GABRB1: variants seen among roughly 807,000 people sequenced by gnomAD.
GABRB1 encodes gamma-aminobutyric acid receptor subunit beta-1.
In GABRB1, 17 loss-of-function variants were observed where a neutral mutation model predicts 51.6. That is an observed-to-expected ratio of 0.33 (90% CI 0.23 to 0.49). GABRB1 has a LOEUF of 0.49. Ranked by LOEUF, GABRB1 falls within the 20% of genes least tolerant of loss-of-function variation. The pLI, the probability that GABRB1 is intolerant of heterozygous loss-of-function variation, is 0.99. For missense variants in GABRB1, 410 were observed against 600.6 expected (o/e 0.68, Z 3.32); for synonymous variants, 247 against 218.9 (o/e 1.13, Z -1.14).
At chr4:47,153,065 G>C (rs1717534350) in intron 3 of GABRB1, among the ~76,000 whole-genome samples, 2 of 152,000 alleles carry the variant, frequency 1.3e-5, no homozygotes, top group Non-Finnish European at 2.9e-5. Flanking sequence ...TGGTTACACA[G>C]GTGATGGAAG....
chr4:47,348,295 T>C (rs933831660), intron 5 of GABRB1, among the ~76,000 whole-genome samples: 1 of 152,164 alleles, frequency 6.6e-6, no homozygotes, highest in African/African-American at 2.4e-5. Context: ...TGAATAAATA[T>C]AAGAAAATGA....
At chr4:47,025,710 GT>G (rs1442142058) in intron 1 of GABRB1, among the ~76,000 whole-genome samples, 1 of 151,832 alleles carries the variant, frequency 6.6e-6, no homozygotes, top group Non-Finnish European at 1.5e-5. Flanking sequence ...AGTAAAAGAA[GT>G]TTTTTTCCCA....
intron 4 of GABRB1, among the ~76,000 whole-genome samples, chr4:47,181,222 C>A (rs1006313237): frequency 5.9e-5 from 9 of 151,950 alleles, no homozygotes; most frequent in Non-Finnish European, 1.5e-5. Flanking sequence ...AATATCTTTT[C>A]CTTTTTTGAA....
intron 4 of GABRB1, among the ~76,000 whole-genome samples, chr4:47,191,834 G>GA (rs1209905036): frequency 1.3e-5 from 2 of 151,622 alleles, no homozygotes; most frequent in African/African-American, 4.8e-5. Context: ...TACAACAGAT[G>GA]AAAAAAAATT....
chr4:47,368,654 G>GT (rs1000208138), intron 5 of GABRB1, among the ~76,000 whole-genome samples: 29 of 152,100 alleles, frequency 1.9e-4, no homozygotes, highest in African/African-American at 6.8e-4. Context: ...AGCCAGTGTT[G>GT]TTTTTTCCCT....
At chr4:47,350,403 TC>T (rs1726284283) in intron 5 of GABRB1, among the ~76,000 whole-genome samples, 1 of 151,302 alleles carries the variant, frequency 6.6e-6, no homozygotes, top group Non-Finnish European at 1.5e-5. Flanking sequence ...ACTAACAAAC[TC>T]CCCTATAATG....
chr4:47,036,548 A>G (rs1176438720), intron 3 of GABRB1, among the ~76,000 whole-genome samples: 1 of 152,176 alleles, frequency 6.6e-6, no homozygotes, highest in Admixed American at 6.5e-5. Flanking sequence ...AAGGTAGTAC[A>G]TTATCCTAAG....
intron 3 of GABRB1, among the ~76,000 whole-genome samples, chr4:47,153,487 T>G (rs145517597): frequency 1.3e-5 from 2 of 152,134 alleles, no homozygotes; most frequent in Non-Finnish European, 2.9e-5. Context: ...GATTTTTACA[T>G]TTTTTTAAAA....
intron 4 of GABRB1, among the ~76,000 whole-genome samples, chr4:47,230,108 T>A (rs1721086024): frequency 6.6e-6 from 1 of 152,314 alleles, no homozygotes; most frequent in East Asian, 1.9e-4. Flanking sequence ...TACTTCTGAT[T>A]GCTATAAAAA....
At chr4:47,394,107 G>A (rs148027914) in intron 5 of GABRB1, among the ~76,000 whole-genome samples, 36 of 152,328 alleles carry the variant, frequency 2.4e-4, no homozygotes, top group Non-Finnish European at 2.6e-4. Context: ...AGAGTGCTCA[G>A]GAGGGGAAAG....
chr4:47,234,487 C>CA (rs199672537), intron 4 of GABRB1, among the ~76,000 whole-genome samples: 33,472 of 143,214 alleles, frequency 0.23, 3,979 homozygotes, highest in African/African-American at 0.32. Flanking sequence ...AACTCCGTCT[C>CA]AAAAAAAAAA....
chr4:47,221,400 A>G (rs532327246), intron 4 of GABRB1, among the ~76,000 whole-genome samples: 5 of 152,138 alleles, frequency 3.3e-5, no homozygotes, highest in African/African-American at 9.6e-5. Flanking sequence ...CCAATTATAT[A>G]GAAACTTAAT....
intron 5 of GABRB1, among the ~76,000 whole-genome samples, chr4:47,357,315 T>C (rs549153155): frequency 1.6e-4 from 24 of 152,244 alleles, no homozygotes; most frequent in Admixed American, 8.5e-4. Flanking sequence ...TGGAAAAAGA[T>C]TGTAAAAACC....
chr4:47,355,548 G>T (rs1317587191), intron 5 of GABRB1, among the ~76,000 whole-genome samples: 2 of 152,158 alleles, frequency 1.3e-5, no homozygotes, highest in Admixed American at 1.3e-4. Flanking sequence ...ACAAAAAACA[G>T]AGAAACACTG....
chr4:47,241,641 T>C (rs965077816), intron 4 of GABRB1, among the ~76,000 whole-genome samples: 1 of 152,202 alleles, frequency 6.6e-6, no homozygotes, highest in Non-Finnish European at 1.5e-5. Context: ...ACCATCCCCA[T>C]AGGGAAAGCA....
In GABRB1 at chr4:47,031,750, ATC is replaced by A. The variant is rs771540640; in HGVS notation, c.80+22_80+23del. ...CACACAGGTGAGCTGCTGTTGTTGA[ATC>A]TCGCTCTCTCTCTCTCTCTCTCTTT... On this transcript the variant is annotated intron_variant, in intron 1 of 8. Transcript: ENST00000295454. The A allele has an allele frequency of 1.3e-6, 2 of 1,524,490 alleles. No individual in the cohort carries two copies. The highest frequency in any genetic ancestry group is 1.7e-5 in the Admixed American group (1 of 57,268). The allele number at this position is 1,524,490 out of a possible 1,614,324, so 94.4% of individuals were successfully genotyped here.
chr4:47,182,189 G>A (rs550411121), intron 4 of GABRB1, among the ~76,000 whole-genome samples: 1 of 152,050 alleles, frequency 6.6e-6, no homozygotes, highest in South Asian at 2.1e-4. Flanking sequence ...CAGCATGAGA[G>A]CCATTTCCTG....
intron 5 of GABRB1, among the ~76,000 whole-genome samples, chr4:47,383,554 A>C (rs894077856): frequency 1.3e-5 from 2 of 152,168 alleles, no homozygotes; most frequent in Non-Finnish European, 2.9e-5. Context: ...CTGATCTGAT[A>C]TATTAGTAAT....
At chr4:47,267,667 C>T (rs776108684) in intron 4 of GABRB1, among the ~76,000 whole-genome samples, 15 of 151,934 alleles carry the variant, frequency 9.9e-5, no homozygotes, top group Non-Finnish European at 1.5e-4. Flanking sequence ...TGGTGGCAGG[C>T]GGCTGTAATC....
Sources: allele counts gnomAD v4.1 joint callset (sites outside exome capture counted in the v4.1 genomes callset), GRCh38; gene constraint gnomAD v4.1.1; transcripts MANE v1.5; gene names NCBI Gene and HGNC (gene_info 2026-07-23, HGNC 2026-07-21).